Variants in OSBPL8 observed in about 807,000 individuals in gnomAD.
OSBPL8 encodes the protein oxysterol binding protein like 8, also known as oxysterol-binding protein-related protein 8.
In OSBPL8, 59 loss-of-function variants were observed where a neutral mutation model predicts 125.5. The observed-to-expected ratio is 0.47, with a 90% CI of 0.38 to 0.58. The LOEUF (loss-of-function observed/expected upper bound fraction) is 0.58, where lower values mean the gene tolerates loss of function less well. Among genes scored for constraint, OSBPL8 ranks in the 20% least tolerant of loss-of-function variants. OSBPL8 has a pLI of 0.00. For missense variants in OSBPL8, 758 were observed against 1,047.8 expected (o/e 0.72, Z 3.82); for synonymous variants, 330 against 338.9 (o/e 0.97, Z 0.29).
chr12:76,552,916 A>G (rs1365596295), intron 1 of OSBPL8, among the ~76,000 whole-genome samples: 3 of 152,234 alleles, frequency 2.0e-5, no homozygotes, highest in African/African-American at 7.2e-5. Context: ...AAAACAGCCT[A>G]GAACTATTAC....
intron 4 of OSBPL8, among the ~76,000 whole-genome samples, chr12:76,417,769 C>T (rs1868885938): frequency 1.3e-5 from 2 of 152,174 alleles, no homozygotes; most frequent in Non-Finnish European, 1.5e-5. Flanking sequence ...TTTTTAAAAA[C>T]CGTAAACAGA....
chr12:76,479,932 C>T (rs181416117), intron 2 of OSBPL8, among the ~76,000 whole-genome samples: 3 of 151,962 alleles, frequency 2.0e-5, no homozygotes, highest in South Asian at 2.1e-4. Context: ...TTTGGGAAGC[C>T]GAGGCTGGCG....
intron 1 of OSBPL8, among the ~76,000 whole-genome samples, chr12:76,529,158 G>A (rs1266741974): frequency 1.3e-5 from 2 of 151,940 alleles, no homozygotes; most frequent in Admixed American, 6.6e-5. Flanking sequence ...TATACTAAGG[G>A]CTTCTGCTTA....
At chr12:76,517,998 C>T (rs1192623155) in intron 1 of OSBPL8, among the ~76,000 whole-genome samples, 3 of 152,188 alleles carry the variant, frequency 2.0e-5, no homozygotes, top group Non-Finnish European at 2.9e-5. Flanking sequence ...TATCATTCTG[C>T]TGGCGCCACT....
rs964683421 is a variant in OSBPL8 at position 76,503,640 on chromosome 12, G to A, written c.-67-16022C>T. On this transcript the variant is annotated intron_variant, in intron 1 of 23. Transcript: ENST00000261183. ...TGCAAGCTCCGCCTCCTGGGTTCAC[G>A]CCATCCTCCTGCCTCAGCCTCCCGA... 1.1e-4 allele frequency among the ~76,000 whole-genome samples: 17 copies of A among 152,186 alleles called. No homozygotes were observed. The East Asian group carries it at 2.9e-3, about 26-fold the overall frequency.
At chr12:76,429,066 T>G (rs1325198065) in intron 4 of OSBPL8, among the ~76,000 whole-genome samples, 2 of 152,078 alleles carry the variant, frequency 1.3e-5, no homozygotes, top group Non-Finnish European at 2.9e-5. Flanking sequence ...CCAAGCAATC[T>G]TATTATCGTA....
chr12:76,524,842 C>T (rs1194029082), intron 1 of OSBPL8, among the ~76,000 whole-genome samples: 2 of 152,046 alleles, frequency 1.3e-5, no homozygotes, highest in East Asian at 3.9e-4. Context: ...CAGTACCACG[C>T]CCAGCTAATT....
chr12:76,410,027 T>C (rs1325162287), intron 5 of OSBPL8, among the ~76,000 whole-genome samples: 1 of 150,994 alleles, frequency 6.6e-6, no homozygotes, highest in Non-Finnish European at 1.5e-5. Flanking sequence ...ACATGGCGTT[T>C]CTCAAATCTG....
At chr12:76,463,614 CAT>C (rs1875013146) in intron 2 of OSBPL8, among the ~76,000 whole-genome samples, 1 of 152,066 alleles carries the variant, frequency 6.6e-6, no homozygotes, top group Non-Finnish European at 1.5e-5. Flanking sequence ...CCTAGAAAAA[CAT>C]ATATTATAAT....
intron 1 of OSBPL8, among the ~76,000 whole-genome samples, chr12:76,500,414 C>A (rs1449290856): frequency 6.6e-6 from 1 of 152,176 alleles, no homozygotes; most frequent in Non-Finnish European, 1.5e-5. Flanking sequence ...ACCTTCTTCA[C>A]GAAGGCTTCC....
intron 15 of OSBPL8, among the ~76,000 whole-genome samples, chr12:76,378,751 C>G (rs1952924278): frequency 6.6e-6 from 1 of 152,056 alleles, no homozygotes; most frequent in South Asian, 2.1e-4. Context: ...ATAATGACTA[C>G]TTTTAAAAGA....
chr12:76,406,198 A>G (rs1490257623), intron 5 of OSBPL8, among the ~76,000 whole-genome samples: 2 of 152,216 alleles, frequency 1.3e-5, no homozygotes, highest in Non-Finnish European at 2.9e-5. Context: ...TTTATTTATG[A>G]AAATACTTTG....
chr12:76,448,921 G>A (rs1301196328), intron 4 of OSBPL8, among the ~76,000 whole-genome samples: 5 of 152,178 alleles, frequency 3.3e-5, no homozygotes, highest in Non-Finnish European at 5.9e-5. Flanking sequence ...GCTGAGGCAG[G>A]AGAATCGCTT....
chr12:76,392,262 T>C (rs1257200233), intron 10 of OSBPL8, among the ~76,000 whole-genome samples: 3 of 152,162 alleles, frequency 2.0e-5, no homozygotes, highest in Admixed American at 6.5e-5. Flanking sequence ...GAAGAATATA[T>C]AGACAGGAGA....
At chr12:76,441,134 T>C (rs1592687836) in intron 4 of OSBPL8, among the ~76,000 whole-genome samples, 1 of 152,240 alleles carries the variant, frequency 6.6e-6, no homozygotes, top group East Asian at 1.9e-4. Context: ...GGGCAGGAGC[T>C]GCGAAAATCA....
chr12:76,367,549 T>C (rs917316369), intron 21 of OSBPL8, among the ~76,000 whole-genome samples: 1 of 152,222 alleles, frequency 6.6e-6, no homozygotes, highest in East Asian at 1.9e-4. Flanking sequence ...GAGTTTAATC[T>C]ATTTACATTT....
chr12:76,552,456 ATGTTGC>A (rs1950973409), intron 1 of OSBPL8, among the ~76,000 whole-genome samples: 1 of 125,372 alleles, frequency 8.0e-6, no homozygotes, highest in East Asian at 2.4e-4. Context: ...AAAAAAAAAA[ATGTTGC>A]AAGCAAGAGG....
intron 2 of OSBPL8, chr12:76,485,895 A>G (rs1878077925): frequency 7.3e-6 from 2 of 274,494 alleles, no homozygotes; most frequent in Non-Finnish European, 1.5e-5. Flanking sequence ...TAGAAGACCA[A>G]AAGTATTTGA....
intron 4 of OSBPL8, among the ~76,000 whole-genome samples, chr12:76,418,770 T>G (rs1013029070): frequency 2.6e-5 from 4 of 151,908 alleles, no homozygotes; most frequent in African/African-American, 9.7e-5. Flanking sequence ...GAGGCGGAGG[T>G]TGCTGTGAGC....
Sources: gnomAD v4.1 joint callset for allele counts (sites outside exome capture counted in the v4.1 genomes callset) on GRCh38, gnomAD v4.1.1 for gene constraint, MANE v1.5 for transcripts, NCBI Gene and HGNC (gene_info 2026-07-23, HGNC 2026-07-21) for gene names.